SERPINA12: variants seen among roughly 807,000 people sequenced by gnomAD.
The protein encoded by SERPINA12 is serpin A12.
Under a neutral mutation model 25.9 loss-of-function variants are expected in SERPINA12, and 21 were observed. That is an observed-to-expected ratio of 0.81 (90% CI 0.58 to 1.17). The LOEUF (loss-of-function observed/expected upper bound fraction) is 1.17, where lower values mean the gene tolerates loss of function less well. Among genes scored for constraint, SERPINA12 ranks in the 50% most tolerant of loss-of-function variants. The probability of loss-of-function intolerance (pLI) is 0.00; values close to 1 mark genes in which losing one functional copy is unlikely to be tolerated. For missense variants in SERPINA12, 562 were observed against 508.3 expected, an observed-to-expected ratio of 1.11 and a Z score of -1.02; for synonymous variants, 220 against 196.0, an observed-to-expected ratio of 1.12 and a Z score of -1.02.
chr14:94,505,858 G>A (rs1900912622), intron 1 of SERPINA12, among the ~76,000 whole-genome samples: 1 of 152,240 alleles, frequency 6.6e-6, no homozygotes, highest in South Asian at 2.1e-4. Context: ...AGTAGGCCAT[G>A]GGCAGAGGGT....
chr14:94,509,952 C>T (rs1191151995), upstream of SERPINA12: 15 of 984,630 alleles, frequency 1.5e-5, no homozygotes, highest in African/African-American at 3.5e-5. Context: ...GAATACCAGC[C>T]GCCTGGCACA....
intron 4 of SERPINA12, among the ~76,000 whole-genome samples, chr14:94,489,168 A>AAAGAAAG (rs1339611325): frequency 6.6e-6 from 1 of 150,920 alleles, no homozygotes; most frequent in Non-Finnish European, 1.5e-5. Context: ...AGAAAGAAAG[A>AAAGAAAG]AAAAAAGAGA....
In SERPINA12 at chr14:94,487,455, TA is replaced by T; in HGVS notation, c.1092del (p.Thr365ArgfsTer22). 1 of 1,614,016 alleles carries T rather than the reference TA, an allele frequency of 6.2e-7. No individual in the cohort carries two copies. Among genetic ancestry groups the T allele is most frequent in the South Asian group, 1.1e-5 (1 of 91,040 alleles). On this transcript the variant is annotated frameshift_variant, in exon 5 of 5. Transcript: ENST00000677451. LOFTEE classifies it low-confidence loss of function (END_TRUNC). ...GCTCCGGTGCCAGCGGCCCCTTCCGTACCCCTCTCATCCATCTTCAGCTCAG... is the reference window on the plus strand; with the variant it reads ...GCTCCGGTGCCAGCGGCCCCTTCCGTCCCCTCTCATCCATCTTCAGCTCAG... The part of the protein sequence containing the change: ...HKAELKMDER[G>X]TEGAAGTGAQ...
chr14:94,488,234 G>A (rs997760593), intron 4 of SERPINA12, among the ~76,000 whole-genome samples: 2 of 152,108 alleles, frequency 1.3e-5, no homozygotes, highest in Non-Finnish European at 2.9e-5. Flanking sequence ...TAGTAACTAT[G>A]TTTCTTATGT....
At chr14:94,513,295 G>A (rs1449167516), upstream of SERPINA12, among the ~76,000 whole-genome samples, 1 of 152,168 alleles carries the variant, frequency 6.6e-6, no homozygotes, top group Non-Finnish European at 1.5e-5. Flanking sequence ...CAAAATGAAG[G>A]ACAATTACTT....
chr14:94,501,633 C>A (rs1349897746), intron 1 of SERPINA12, among the ~76,000 whole-genome samples: 1 of 150,972 alleles, frequency 6.6e-6, no homozygotes, highest in Non-Finnish European at 1.5e-5. Flanking sequence ...CCATGAGATA[C>A]TGCTGATCAG....
At chr14:94,509,851 C>G (rs749346979), upstream of SERPINA12, 14 of 419,496 alleles carry the variant, frequency 3.3e-5, no homozygotes, top group Admixed American at 1.3e-4. Flanking sequence ...CAGCCCTGAT[C>G]CCTGTGATCA....
rs752528054 is a variant in SERPINA12, at chr14:94,487,415, A to G, written c.1133T>C (p.Met378Thr). The G allele has an allele frequency of 3.7e-6, 6 of 1,613,916 alleles. No homozygotes were observed. The African/African-American group carries it at 5.3e-5, about 14-fold the overall frequency. ...AAGTGAQTLPMETPLVVKIDK... is the reference protein window; with the variant it reads ...AAGTGAQTLPTETPLVVKIDK... Reference sequence around the variant, plus strand: ...TATCTTGACGACGAGTGGTGTCTCCATGGGCAGAGTCTGTGCTCCGGTGCC... The same window carrying G: ...TATCTTGACGACGAGTGGTGTCTCCGTGGGCAGAGTCTGTGCTCCGGTGCC... Residue 378 changes from methionine (M) to threonine (T), a missense_variant, in exon 5 of 5, where the codon ATG becomes ACG. Physicochemically the swap from Met to Thr is moderately conservative, Grantham distance 81. Transcript: ENST00000677451.
upstream of SERPINA12, chr14:94,511,385 G>T: frequency 1.0e-6 from 1 of 983,326 alleles, no homozygotes; most frequent in Non-Finnish European, 1.2e-6. Context: ...TTTAATGGAT[G>T]TGCAGCTTCA....
chr14:94,488,094 T>C (rs1899979780), intron 4 of SERPINA12, among the ~76,000 whole-genome samples: 1 of 152,182 alleles, frequency 6.6e-6, no homozygotes, highest in Non-Finnish European at 1.5e-5. Context: ...GTATCCTGTG[T>C]TACAATCACA....
intron 1 of SERPINA12, among the ~76,000 whole-genome samples, chr14:94,505,935 G>A (rs1386798596): frequency 5.3e-5 from 8 of 152,212 alleles, no homozygotes; most frequent in African/African-American, 1.9e-4. Context: ...TCCTGCCTGG[G>A]GAAAAGAGCC....
intron 1 of SERPINA12, among the ~76,000 whole-genome samples, chr14:94,501,542 T>C (rs1900722440): frequency 6.6e-6 from 1 of 152,196 alleles, no homozygotes; most frequent in Admixed American, 6.5e-5. Flanking sequence ...GGTGTTTTGA[T>C]GCAAGTCTCT....
In SERPINA12 at chr14:94,497,748, A is replaced by C; in HGVS notation, c.634+16T>G. On this transcript the variant is annotated intron_variant, in intron 2 of 4. Coordinates refer to ENST00000677451, the MANE Select transcript of SERPINA12 (RefSeq NM_001382267.1). ...GTCATCCTATTCTTTCCACACCAACATGCCAAAAGCCTTACCTCGAAAGAA... is the reference window on the plus strand; with the variant it reads ...GTCATCCTATTCTTTCCACACCAACCTGCCAAAAGCCTTACCTCGAAAGAA... 1 of 1,582,456 alleles carries C rather than the reference A, an allele frequency of 6.3e-7. No homozygotes were observed. The highest frequency in any genetic ancestry group is 8.6e-7 in the Non-Finnish European group (1 of 1,165,848).
At chr14:94,505,784 G>A (rs530047691) in intron 1 of SERPINA12, among the ~76,000 whole-genome samples, 2 of 152,212 alleles carry the variant, frequency 1.3e-5, no homozygotes, top group Admixed American at 1.3e-4. Context: ...GGCCAGGGTA[G>A]GGATGCCCAC....
intron 1 of SERPINA12, among the ~76,000 whole-genome samples, chr14:94,506,066 G>A (rs1310939958): frequency 2.0e-5 from 3 of 152,216 alleles, no homozygotes; most frequent in Non-Finnish European, 4.4e-5. Flanking sequence ...ACTGCCTGTA[G>A]TTAAGATTCA....
chr14:94,512,615 G>A (rs536571341), upstream of SERPINA12, among the ~76,000 whole-genome samples: 2 of 152,290 alleles, frequency 1.3e-5, no homozygotes, highest in East Asian at 1.9e-4. Context: ...GAGTGAGGGT[G>A]TTGTGTGCCT....
upstream of SERPINA12, among the ~76,000 whole-genome samples, chr14:94,514,426 C>G (rs139888001): frequency 2.6e-5 from 4 of 152,330 alleles, no homozygotes; most frequent in East Asian, 7.7e-4. Flanking sequence ...GGTGGGCACT[C>G]TCTGCCAGCC....
At chr14:94,500,936 T>A in intron 1 of SERPINA12, 1 of 983,082 alleles carries the variant, frequency 1.0e-6, no homozygotes. Flanking sequence ...TCTGCTCTCA[T>A]GCCTTCGTAG....
At chr14:94,510,167 T>C, upstream of SERPINA12, 2 of 985,410 alleles carry the variant, frequency 2.0e-6, no homozygotes, top group Non-Finnish European at 2.4e-6. Context: ...ACCTGTACAA[T>C]GGGCAATAGG....
Sources: allele counts gnomAD v4.1 joint callset (sites outside exome capture counted in the v4.1 genomes callset), GRCh38; gene constraint gnomAD v4.1.1; transcripts MANE v1.5; gene names NCBI Gene and HGNC (gene_info 2026-07-23, HGNC 2026-07-21).